Variants in STXBP5L observed in about 807,000 individuals in gnomAD.
STXBP5L encodes the protein syntaxin binding protein 5L, also known as syntaxin-binding protein 5-like.
In STXBP5L, 65 loss-of-function variants were observed where a neutral mutation model predicts 144.5. The ratio of observed to expected loss-of-function variants is 0.45; its 90% confidence interval spans 0.37 to 0.55. The LOEUF (loss-of-function observed/expected upper bound fraction) is 0.55, where lower values mean the gene tolerates loss of function less well. Ranked by LOEUF, STXBP5L falls within the 20% of genes least tolerant of loss-of-function variation. The probability of loss-of-function intolerance (pLI) is 0.00; values close to 1 mark genes in which losing one functional copy is unlikely to be tolerated. For missense variants in STXBP5L, 1,298 were observed against 1,405.5 expected (o/e 0.92, Z 1.22); for synonymous variants, 505 against 469.6 (o/e 1.08, Z -0.97).
intron 8 of STXBP5L, among the ~76,000 whole-genome samples, chr3:121,153,978 G>A (rs1373494819): frequency 6.6e-6 from 1 of 151,652 alleles, no homozygotes; most frequent in Non-Finnish European, 1.5e-5. Context: ...AACACCATGG[G>A]AATATTTAGC....
At chr3:121,085,713 A>G (rs2042457143) in intron 5 of STXBP5L, among the ~76,000 whole-genome samples, 1 of 152,250 alleles carries the variant, frequency 6.6e-6, no homozygotes, top group Admixed American at 6.5e-5. Flanking sequence ...GCTTGTGGAT[A>G]GGAAGGATCA....
At chr3:121,170,365 C>A (rs560318223) in intron 9 of STXBP5L, among the ~76,000 whole-genome samples, 1 of 151,724 alleles carries the variant, frequency 6.6e-6, no homozygotes, top group South Asian at 2.1e-4. Flanking sequence ...CTGAAGGAGA[C>A]AGAAACATGA....
intron 9 of STXBP5L, among the ~76,000 whole-genome samples, chr3:121,161,461 C>T (rs76361748): frequency 0.02 from 2,968 of 151,650 alleles, 89 homozygotes; most frequent in African/African-American, 0.066. Context: ...CAAAATTTTG[C>T]GGGGTATCTT....
At chr3:121,273,983 C>T (rs2050804934) in intron 18 of STXBP5L, among the ~76,000 whole-genome samples, 1 of 152,022 alleles carries the variant, frequency 6.6e-6, no homozygotes, top group African/African-American at 2.4e-5. Flanking sequence ...TCTTGCTCAG[C>T]TTGAGCTTCC....
chr3:121,211,056 C>T (rs957803245), intron 10 of STXBP5L, among the ~76,000 whole-genome samples: 1 of 152,080 alleles, frequency 6.6e-6, no homozygotes, highest in Non-Finnish European at 1.5e-5. Flanking sequence ...ATTCTTCCTA[C>T]CCATGTGCAT....
intron 14 of STXBP5L, among the ~76,000 whole-genome samples, chr3:121,241,987 G>A (rs2049686711): frequency 6.6e-6 from 1 of 152,088 alleles, no homozygotes; most frequent in Admixed American, 6.6e-5. Context: ...AAAATGAGTA[G>A]TTTTCAAGTA....
At chr3:121,209,454 T>C (rs2048469126) in intron 10 of STXBP5L, among the ~76,000 whole-genome samples, 1 of 152,140 alleles carries the variant, frequency 6.6e-6, no homozygotes, top group South Asian at 2.1e-4. Flanking sequence ...TTATTATACT[T>C]TAAGTTCTAG....
chr3:121,302,919 A>T (rs375515251), intron 19 of STXBP5L, among the ~76,000 whole-genome samples: 6 of 152,224 alleles, frequency 3.9e-5, no homozygotes. Context: ...ACCTAAAACC[A>T]TAAAAACCCT....
intron 22 of STXBP5L, among the ~76,000 whole-genome samples, chr3:121,389,584 G>A (rs1425561836): frequency 1.3e-5 from 2 of 152,126 alleles, no homozygotes; most frequent in Non-Finnish European, 2.9e-5. Flanking sequence ...GGTACATTGT[G>A]TCTTTGTTCT....
intron 7 of STXBP5L, among the ~76,000 whole-genome samples, chr3:121,141,266 G>T (rs559295944): frequency 6.6e-6 from 1 of 152,156 alleles, no homozygotes; most frequent in African/African-American, 2.4e-5. Context: ...AGCTGGGGGT[G>T]GTTGCACATG....
At chr3:121,167,642 G>A (rs1250048004) in intron 9 of STXBP5L, among the ~76,000 whole-genome samples, 2 of 152,184 alleles carry the variant, frequency 1.3e-5, no homozygotes, top group East Asian at 3.9e-4. Flanking sequence ...CTTCTCTCTG[G>A]GCAGGGCATC....
At chr3:120,931,027 A>G (rs1451866301) in intron 2 of STXBP5L, among the ~76,000 whole-genome samples, 7 of 152,142 alleles carry the variant, frequency 4.6e-5, no homozygotes, top group Non-Finnish European at 8.8e-5. Context: ...AATATTTAAA[A>G]GGAAATACAG....
chr3:121,393,956 T>G (rs1383765907), intron 22 of STXBP5L, among the ~76,000 whole-genome samples: 2 of 152,246 alleles, frequency 1.3e-5, no homozygotes, highest in East Asian at 3.8e-4. Flanking sequence ...TTTCTACTTC[T>G]GTGAAGAATG....
chr3:121,028,397 T>C (rs1946108839), intron 3 of STXBP5L, among the ~76,000 whole-genome samples: 2 of 152,092 alleles, frequency 1.3e-5, no homozygotes, highest in African/African-American at 2.4e-5. Flanking sequence ...GGCTGTAAGT[T>C]ACTAGAATAT....
At chr3:120,970,981 C>T (rs9822141) in intron 3 of STXBP5L, among the ~76,000 whole-genome samples, 15,088 of 152,092 alleles carry the variant, frequency 0.099, 1,166 homozygotes, top group Admixed American at 0.2. Context: ...GGAACACTTA[C>T]AGTGAGCACC....
chr3:121,157,203 A>G (rs1050401055), intron 8 of STXBP5L, among the ~76,000 whole-genome samples: 1 of 152,094 alleles, frequency 6.6e-6, no homozygotes, highest in Non-Finnish European at 1.5e-5. Context: ...TGAAAAATCA[A>G]TACACTTTTT....
chr3:121,403,825 C>T (rs1240461682), intron 22 of STXBP5L, among the ~76,000 whole-genome samples: 2 of 152,146 alleles, frequency 1.3e-5, no homozygotes, highest in Non-Finnish European at 2.9e-5. Context: ...ACTTCAAATT[C>T]TAGAGTGCTA....
intron 9 of STXBP5L, among the ~76,000 whole-genome samples, chr3:121,203,161 C>A (rs1232233877): frequency 6.6e-6 from 1 of 151,850 alleles, no homozygotes; most frequent in African/African-American, 2.4e-5. Context: ...AATGAAGACA[C>A]ATTAATATTT....
At chr3:121,237,247 G>C (rs1678491115) in intron 12 of STXBP5L, among the ~76,000 whole-genome samples, 1 of 152,186 alleles carries the variant, frequency 6.6e-6, no homozygotes, top group Middle Eastern at 3.2e-3. Context: ...TGTGTTCTGG[G>C]TGCCTGCAGA....
Sources: gnomAD v4.1 joint callset for allele counts (sites outside exome capture counted in the v4.1 genomes callset) on GRCh38, gnomAD v4.1.1 for gene constraint, MANE v1.5 for transcripts, NCBI Gene and HGNC (gene_info 2026-07-23, HGNC 2026-07-21) for gene names.